The following CAMSAP2 variants were observed in gnomAD, a reference collection of about 807,000 sequenced individuals.
CAMSAP2 encodes the protein calmodulin-regulated spectrin-associated protein 2.
CAMSAP2 carries 26 observed loss-of-function variants against 146.1 expected under a neutral mutation model. The observed-to-expected ratio is 0.18, with a 90% CI of 0.13 to 0.25. The LOEUF (loss-of-function observed/expected upper bound fraction) is 0.25, where lower values mean the gene tolerates loss of function less well. CAMSAP2 is among the 10% of genes least tolerant of loss of function. The pLI is 1.00. For missense variants in CAMSAP2, 1,381 were observed against 1,759.3 expected, an observed-to-expected ratio of 0.78 and a Z score of 3.85; for synonymous variants, 499 against 596.6, an observed-to-expected ratio of 0.84 and a Z score of 2.38.
chr1:200,851,367 G>A (rs1050974053), intron 11 of CAMSAP2, among the ~76,000 whole-genome samples: 3 of 151,948 alleles, frequency 2.0e-5, no homozygotes, highest in African/African-American at 7.3e-5. Flanking sequence ...AATAAATTTT[G>A]TATTTTTAGT....
rs1054379541 is a variant in CAMSAP2 at position 200,859,163 on chromosome 1, C to A, written c.*1104C>A. On this transcript the variant is annotated 3_prime_UTR_variant, in exon 17 of 17. Coordinates refer to ENST00000358823, the MANE Select transcript of CAMSAP2 (RefSeq NM_203459.4). ...AATAAGTATACACTTGAAATCTCCT[C>A]TACATGATCTTTGTTCTTTAACAGT... 6.6e-6 allele frequency: 1 copy of A among 152,622 alleles called. No individual in the cohort carries two copies. 9.5% of individuals were successfully genotyped at this position (152,622 alleles called of 1,614,324 possible). A position where few individuals can be genotyped will look rare whatever the true frequency, so the allele number is the denominator to read the frequency against.
Position 200,832,351 on chromosome 1 carries a change from C to T in CAMSAP2, c.787+10C>T. ...GTTGTCAGATTAGAGGGTAAGTGTT[C>T]CATTGTAATACTTCTGAACTGTAGA... On this transcript the variant is annotated intron_variant, in intron 5 of 16. Transcript: ENST00000358823. This position sits in a 1 kb window ranked among gnomAD's most constrained non-coding sequence, Gnocchi z 4.2. The T allele has an allele frequency of 1.9e-6, 3 of 1,606,006 alleles. No individual in the cohort carries two copies. Among genetic ancestry groups the T allele is most frequent in the Non-Finnish European group, 2.5e-6 (3 of 1,176,712 alleles).
At position 200,739,978 on chromosome 1, in the gene CAMSAP2, C is replaced by T. The variant is rs200365431; in HGVS notation, c.139+12C>T. ...AGCCTTTGGGACAGGTTAGTGGTGT[C>T]ACCCTTTCCCTCCCCTCTTCCTCCT... On this transcript the variant is annotated intron_variant, in intron 1 of 16. Coordinates refer to ENST00000358823, the MANE Select transcript of CAMSAP2 (RefSeq NM_203459.4). The surrounding 1 kb of genome is among the most constrained non-coding windows in gnomAD (Gnocchi z 4.8). 1.2e-6 allele frequency: 2 copies of T among 1,613,666 alleles called. No homozygotes were observed. The highest frequency in any genetic ancestry group is 1.7e-6 in the Non-Finnish European group (2 of 1,179,742).
chr1:200,772,681 G>C (rs181746327), intron 2 of CAMSAP2, among the ~76,000 whole-genome samples: 304 of 152,216 alleles, frequency 2.0e-3, no homozygotes, highest in African/African-American at 6.7e-3. Flanking sequence ...TTATAGAGAA[G>C]AGTGGTAAAA....
intron 9 of CAMSAP2, 99 bp downstream of exon 9, chr1:200,847,391 TTGTGTGTG>T (rs71138304): frequency 5.4e-6 from 4 of 736,372 alleles, no homozygotes; most frequent in Non-Finnish European, 8.4e-6. Context: ...CAGGGTTTTT[TTGTGTGTG>T]TGTGTGTGTG....
chr1:200,848,504 A>T lies in CAMSAP2; in HGVS notation c.1735A>T (p.Asn579Tyr). Residue 579 changes from asparagine to tyrosine, a missense_variant, in exon 11 of 17, where the codon AAT becomes TAT. Asn to Tyr is a moderately radical substitution (Grantham distance 143). This residue lies in a region of CAMSAP2 where 447 missense variants were observed against 462.2 expected (regional missense o/e 0.97). Transcript: ENST00000358823. ...TCATAGTCAAGAAATGAGTATCTTA[A>T]ATTCAAATATCAAGTTAAATCAATC... Reference protein sequence around the residue: ...FLHSQEMSILNSNIKLNQSSP... With the variant: ...FLHSQEMSILYSNIKLNQSSP... 3 of 1,613,920 alleles carry T rather than the reference A, an allele frequency of 1.9e-6. No homozygotes were observed. Among genetic ancestry groups the T allele is most frequent in the Non-Finnish European group, 2.5e-6 (3 of 1,179,946 alleles).
rs1043077334 is a variant in CAMSAP2, at chr1:200,747,009, G to C, written c.139+7043G>C. 5.9e-5 allele frequency among the ~76,000 whole-genome samples: 9 copies of C among 151,838 alleles called. No homozygotes were observed. In the South Asian group the frequency reaches 1.9e-3, roughly 32 times the overall value. ...TTGCAGCTTCAAATTTCTGGGCTCAGGTGATCCTCCTGCCTCAGCCTTTTG... is the reference window on the plus strand; with the variant it reads ...TTGCAGCTTCAAATTTCTGGGCTCACGTGATCCTCCTGCCTCAGCCTTTTG... On this transcript the variant is annotated intron_variant, in intron 1 of 16. Coordinates refer to ENST00000358823, the MANE Select transcript of CAMSAP2 (RefSeq NM_203459.4).
rs1667072984 is a variant in CAMSAP2 at position 200,832,599 on chromosome 1, ATGTT to A, written c.788-102_788-99del. On this transcript the variant is annotated intron_variant, in intron 5 of 16. Coordinates refer to ENST00000358823, the MANE Select transcript of CAMSAP2 (RefSeq NM_203459.4). This position sits in a 1 kb window ranked among gnomAD's most constrained non-coding sequence, Gnocchi z 4.2. Reference sequence around the variant, plus strand: ...TAATGACTACTATATTTATAAATGTATGTTTGTTAACCAGAATTGTGTATTTGTA... The same window carrying A: ...TAATGACTACTATATTTATAAATGTATGTTAACCAGAATTGTGTATTTGTA... 2 of 991,758 alleles carry A rather than the reference ATGTT, an allele frequency of 2.0e-6. No individual in the cohort carries two copies. The highest frequency in any genetic ancestry group is 3.1e-5 in the Admixed American group (1 of 32,480). 61.4% of individuals were successfully genotyped at this position (991,758 alleles called of 1,614,324 possible).
At chr1:200,854,749 C>G in intron 13 of CAMSAP2, 68 bp from the exon 14 acceptor site, 1 of 1,137,212 alleles carries the variant, frequency 8.8e-7, no homozygotes, top group Non-Finnish European at 1.3e-6. Flanking sequence ...AGACTCTTTG[C>G]TAGTTGCTCC....
chr1:200,806,835 T>C (rs1666191426), intron 2 of CAMSAP2, among the ~76,000 whole-genome samples: 1 of 151,804 alleles, frequency 6.6e-6, no homozygotes. Flanking sequence ...TATCTATCTG[T>C]GCCAAAGGCT....
At chr1:200,785,590 A>C (rs1313299992) in intron 2 of CAMSAP2, among the ~76,000 whole-genome samples, 5 of 152,004 alleles carry the variant, frequency 3.3e-5, no homozygotes, top group African/African-American at 1.2e-4. Context: ...GGGTTTCGCC[A>C]TGTTTGCCAG....
intron 2 of CAMSAP2, among the ~76,000 whole-genome samples, chr1:200,785,334 G>A (rs1006099283): frequency 4.6e-5 from 7 of 151,558 alleles, no homozygotes; most frequent in Admixed American, 4.6e-4. Flanking sequence ...TTCCTTAAAT[G>A]TGGGGCAGAA....
At chr1:200,826,695 G>A (rs1225341467) in intron 4 of CAMSAP2, among the ~76,000 whole-genome samples, 1 of 152,104 alleles carries the variant, frequency 6.6e-6, no homozygotes, top group Non-Finnish European at 1.5e-5. Context: ...CCAAAATTCA[G>A]GGTGAGCCAA....
chr1:200,806,894 A>G (rs530561931), intron 2 of CAMSAP2, among the ~76,000 whole-genome samples: 2 of 152,252 alleles, frequency 1.3e-5, no homozygotes, highest in South Asian at 4.2e-4. Context: ...TGGAGGCAGG[A>G]AAACCAGTTA....
rs1192069299 is a variant in CAMSAP2 at position 200,859,662 on chromosome 1, T to G, written c.*1603T>G. On this transcript the variant is annotated 3_prime_UTR_variant, in exon 17 of 17. Coordinates refer to ENST00000358823, the MANE Select transcript of CAMSAP2 (RefSeq NM_203459.4). The stretch of plus-strand genomic sequence containing the variant: ...ATGTGTAGCTCAAAACTATTTGTGA[T>G]CTACTGTTTGCATGTAAGAGACCAG... The G allele has an allele frequency of 3.3e-5, 5 of 152,248 alleles. No homozygotes were observed. Among genetic ancestry groups the G allele is most frequent in the African/African-American group, 1.2e-4 (5 of 41,458 alleles). The allele number at this position is 152,248 out of a possible 1,614,324, so 9.4% of individuals were successfully genotyped here. A position where few individuals can be genotyped will look rare whatever the true frequency, so the allele number is the denominator to read the frequency against.
intron 2 of CAMSAP2, among the ~76,000 whole-genome samples, chr1:200,776,079 T>G (rs77779098): frequency 2.8e-3 from 426 of 152,066 alleles, no homozygotes; most frequent in African/African-American, 9.4e-3. Flanking sequence ...TTCAGAAGCT[T>G]CTTTTTTATA....
At chr1:200,742,676 C>G (rs1237187555) in intron 1 of CAMSAP2, among the ~76,000 whole-genome samples, 1 of 152,152 alleles carries the variant, frequency 6.6e-6, no homozygotes, top group Non-Finnish European at 1.5e-5. Context: ...ACTAAAATCA[C>G]TCCTTTAACA....
chr1:200,755,496 TTA>T (rs1210723924), intron 1 of CAMSAP2, among the ~76,000 whole-genome samples: 1 of 152,202 alleles, frequency 6.6e-6, no homozygotes, highest in Non-Finnish European at 1.5e-5. Context: ...GGCTGATGGC[TTA>T]TAAGGATCTG....
At chr1:200,814,955 C>T (rs1015955739) in intron 3 of CAMSAP2, among the ~76,000 whole-genome samples, 3 of 151,696 alleles carry the variant, frequency 2.0e-5, no homozygotes, top group African/African-American at 7.3e-5. Context: ...ATTTATGCAC[C>T]ATGTAGACTT....
Sources: gnomAD v4.1 joint callset for allele counts (sites outside exome capture counted in the v4.1 genomes callset) on GRCh38, gnomAD v4.1.1 for gene constraint, gnomAD v4.1.1 regional missense constraint, Gnocchi (gnomAD v3.1) non-coding constraint, MANE v1.5 for transcripts, NCBI Gene and HGNC (gene_info 2026-07-23, HGNC 2026-07-21) for gene names.